The following PDCD11 variants were observed in gnomAD, a reference collection of about 807,000 sequenced individuals.
PDCD11 encodes the protein protein RRP5 homolog.
A neutral mutation model predicts 198.9 loss-of-function variants in PDCD11; 97 were observed. The ratio of observed to expected loss-of-function variants is 0.49; its 90% CI spans 0.41 to 0.58. PDCD11 has a LOEUF of 0.58. PDCD11 is among the 20% of genes least tolerant of loss of function. The pLI is 0.00. For synonymous variants in PDCD11, 893 were observed against 918.0 expected (o/e 0.97, Z 0.49); for missense variants, 2,102 against 2,312.7 (o/e 0.91, Z 1.87).
chr10:103,436,534 G>A (rs1479135264), intron 25 of PDCD11, among the ~76,000 whole-genome samples: 1 of 152,200 alleles, frequency 6.6e-6, no homozygotes, highest in Admixed American at 6.5e-5. Context: ...TGTCTCAGCT[G>A]TCCCAGCCAC....
In PDCD11 at chr10:103,444,511, C is replaced by T; in HGVS notation, c.5279-6C>T. The T allele has an allele frequency of 6.2e-7, 1 of 1,613,926 alleles. No homozygotes were observed. Among genetic ancestry groups the T allele is most frequent in the Non-Finnish European group, 8.5e-7 (1 of 1,179,854 alleles). On this transcript the variant is annotated splice_polypyrimidine_tract_variant and splice_region_variant and intron_variant, in intron 34 of 35. Transcript: ENST00000369797. Reference sequence around the variant, plus strand: ...GTTGGGTCTCTGAGCAGTCCTCTCCCTGCAGATGTGGATGTCATTGCCAAG... The same window carrying T: ...GTTGGGTCTCTGAGCAGTCCTCTCCTTGCAGATGTGGATGTCATTGCCAAG...
In PDCD11 at chr10:103,425,309, A is replaced by G. The variant is rs375007001; in HGVS notation, c.3089A>G (p.Lys1030Arg). 6.2e-7 allele frequency: 1 copy of G among 1,614,138 alleles called. No individual in the cohort carries two copies. The highest frequency in any genetic ancestry group is 1.1e-5 in the South Asian group (1 of 91,072). The change falls in exon 20 of 36, where the codon AAG (lysine) becomes AGG (arginine). Residue 1030 changes from lysine (K) to arginine (R), a missense_variant. By Grantham distance (26) the Lys-to-Arg change is conservative (BLOSUM62 2). Coordinates refer to ENST00000369797, the MANE Select transcript of PDCD11 (RefSeq NM_014976.2). ...DPALTVGTIKKHTLSIGDMVT... is the reference protein window; with the variant it reads ...DPALTVGTIKRHTLSIGDMVT... ...GCTCTGACTGTAGGGACCATAAAGA[A>G]GCACACCCTCTCCATCGGGGACATG...
intron 19 of PDCD11, among the ~76,000 whole-genome samples, chr10:103,424,534 A>C (rs1191753550): frequency 3.3e-5 from 5 of 152,228 alleles, no homozygotes; most frequent in Non-Finnish European, 7.3e-5. Flanking sequence ...GGTGCCTTGC[A>C]CACAATAAGC....
At chr10:103,417,233 G>A (rs541173017) in intron 13 of PDCD11, among the ~76,000 whole-genome samples, 2 of 151,504 alleles carry the variant, frequency 1.3e-5, no homozygotes, top group South Asian at 2.1e-4. Context: ...GTGCAATGGC[G>A]TGATCTCAGC....
intron 8 of PDCD11, 36 bp downstream of exon 8, chr10:103,409,842 G>C (rs542160878): frequency 6.7e-7 from 1 of 1,500,274 alleles, no homozygotes. Context: ...CTTGATTCCA[G>C]TTGTGGTCCA....
chr10:103,443,079 G>A, intron 32 of PDCD11, 86 bp from the exon 33 acceptor site: 2 of 1,200,202 alleles, frequency 1.7e-6, no homozygotes, highest in Non-Finnish European at 2.3e-6. Context: ...GGCTGGGAGG[G>A]GGAGGTGGTT....
chr10:103,412,431 C>G (rs1031262081), intron 8 of PDCD11, among the ~76,000 whole-genome samples: 3 of 152,152 alleles, frequency 2.0e-5, no homozygotes, highest in African/African-American at 7.2e-5. Context: ...AGCGATTCTC[C>G]TGCTTGAGCC....
At chr10:103,409,948 T>TA in intron 8 of PDCD11, 142 bp downstream of exon 8, 1 of 650,200 alleles carries the variant, frequency 1.5e-6, no homozygotes, top group Non-Finnish European at 2.7e-6. Flanking sequence ...TGAAAAGTGT[T>TA]ATGGAGGCCA....
intron 5 of PDCD11, among the ~76,000 whole-genome samples, chr10:103,405,696 G>A (rs2030403080): frequency 6.6e-6 from 1 of 152,128 alleles, no homozygotes; most frequent in Non-Finnish European, 1.5e-5. Flanking sequence ...GTGCCCTGCC[G>A]AAAGTTTGCT....
At chr10:103,417,718 T>G in intron 13 of PDCD11, 74 bp from the exon 14 acceptor site, 1 of 1,495,260 alleles carries the variant, frequency 6.7e-7, no homozygotes, top group Non-Finnish European at 9.1e-7. Flanking sequence ...TCTGCAGCAG[T>G]AGTGGAGGGC....
intron 27 of PDCD11, 93 bp downstream of exon 27, chr10:103,438,901 A>T (rs2032264871): frequency 8.9e-6 from 12 of 1,350,506 alleles, no homozygotes; most frequent in Non-Finnish European, 1.1e-5. Context: ...AACTTCTTTG[A>T]TGGGAATATG....
intron 21 of PDCD11, among the ~76,000 whole-genome samples, chr10:103,427,795 G>A (rs1410174884): frequency 6.6e-6 from 1 of 152,154 alleles, no homozygotes; most frequent in African/African-American, 2.4e-5. Context: ...AGGTCATGGT[G>A]GGGTAGATTC....
rs1309375952 is a variant in PDCD11, at chr10:103,439,200, G to A, written c.4025+392G>A. Among the ~76,000 whole-genome samples, 4 of 152,166 alleles carry A rather than the reference G, an allele frequency of 2.6e-5. No homozygotes were observed. The East Asian group carries it at 7.7e-4, about 29-fold the overall frequency. On this transcript the variant is annotated intron_variant, in intron 27 of 35. Transcript: ENST00000369797. ...CCAGAAAAAAATTAAAAATTAACCA[G>A]GTGTGGTAGCATGAGCCTGTAGTCC...
In PDCD11 at chr10:103,413,173, C is replaced by T. The variant is rs772009790; in HGVS notation, c.1036C>T (p.Arg346Cys). ...PRTRVVHLSL[R>C]PIFLQPGRPL... ...AACCAGAGTTGTGCACCTGAGCCTGCGCCCCATCTTCCTACAGCCTGGACG... is the reference window on the plus strand; with the variant it reads ...AACCAGAGTTGTGCACCTGAGCCTGTGCCCCATCTTCCTACAGCCTGGACG... The change falls in exon 9 of 36, where the codon CGC (arginine) becomes TGC (cysteine). Residue 346 changes from arginine to cysteine, a missense_variant. Transcript: ENST00000369797. 7 of 1,614,172 alleles carry T rather than the reference C, an allele frequency of 4.3e-6. No individual in the cohort carries two copies. The highest frequency in any genetic ancestry group is 2.2e-5 in the East Asian group (1 of 44,884).
In PDCD11 at chr10:103,438,607, A is replaced by G. The variant is rs1015841655; in HGVS notation, c.3903-79A>G. 5 of 1,563,278 alleles carry G rather than the reference A, an allele frequency of 3.2e-6. No homozygotes were observed. The Admixed American group carries it at 6.8e-5, about 21-fold the overall frequency. ...AGAGTCATATTCTTATTTACTAAGT[A>G]TGATGGTTGCAGGTGTATTGGGGGT... On this transcript the variant is annotated intron_variant, in intron 26 of 35. Coordinates refer to ENST00000369797, the MANE Select transcript of PDCD11 (RefSeq NM_014976.2).
At chr10:103,427,581 C>T (rs768254142) in intron 21 of PDCD11, among the ~76,000 whole-genome samples, 190 bp downstream of exon 21, 17 of 152,146 alleles carry the variant, frequency 1.1e-4, no homozygotes, top group Non-Finnish European at 2.5e-4. Context: ...AAAATTAATG[C>T]AAAAGCTGTG....
chr10:103,405,930 T>C, intron 5 of PDCD11, 55 bp from the exon 6 acceptor site: 1 of 1,588,266 alleles, frequency 6.3e-7, no homozygotes, highest in South Asian at 1.1e-5. Context: ...GGATGTTTTG[T>C]GTGTGTCCCA....
rs1592114542 is a variant in PDCD11, at chr10:103,406,684, T to A, written c.764T>A (p.Leu255Gln). The change falls in exon 7 of 36, where the codon CTG becomes CAG. Residue 255 changes from leucine (L) to glutamine (Q), a missense_variant. Coordinates refer to ENST00000369797, the MANE Select transcript of PDCD11 (RefSeq NM_014976.2). Reference sequence around the variant, plus strand: ...AAAGGCAACGGAGGAGTTGTTAGTCTGTCTGTTGGTCACTCAGAGGTTTCT... The same window carrying A: ...AAAGGCAACGGAGGAGTTGTTAGTCAGTCTGTTGGTCACTCAGAGGTTTCT... Reference protein sequence around the residue: ...KVKGNGGVVSLSVGHSEVSTA... With the variant: ...KVKGNGGVVSQSVGHSEVSTA... The A allele has an allele frequency of 6.2e-7, 1 of 1,614,200 alleles. No homozygotes were observed. The highest frequency in any genetic ancestry group is 8.5e-7 in the Non-Finnish European group (1 of 1,180,018).
intron 21 of PDCD11, among the ~76,000 whole-genome samples, chr10:103,428,962 C>T (rs1304671395): frequency 6.6e-6 from 1 of 152,190 alleles, no homozygotes; most frequent in Non-Finnish European, 1.5e-5. Flanking sequence ...GTTTTAATCT[C>T]AAGGCTCTTG....
Sources: allele counts gnomAD v4.1 joint callset (sites outside exome capture counted in the v4.1 genomes callset), GRCh38; gene constraint gnomAD v4.1.1; transcripts MANE v1.5; gene names NCBI Gene and HGNC (gene_info 2026-07-23, HGNC 2026-07-21).